GMPS: variants seen among roughly 807,000 people sequenced by gnomAD.
GMPS encodes the protein GMP synthase [glutamine-hydrolyzing].
A neutral mutation model predicts 77.9 loss-of-function variants in GMPS; 15 were observed. The ratio of observed to expected loss-of-function variants is 0.19; its 90% CI spans 0.13 to 0.30. The LOEUF (loss-of-function observed/expected upper bound fraction) is 0.30, where lower values mean the gene tolerates loss of function less well. Among genes scored for constraint, GMPS ranks in the 10% least tolerant of loss-of-function variants. The probability of loss-of-function intolerance (pLI) is 1.00; values close to 1 mark genes in which losing one functional copy is unlikely to be tolerated. For synonymous variants in GMPS, 224 were observed against 275.9 expected (o/e 0.81, Z 1.86); for missense variants, 590 against 838.8 (o/e 0.70, Z 3.66).
chr3:155,910,151 C>A (rs1319053633), intron 5 of GMPS, among the ~76,000 whole-genome samples: 4 of 151,954 alleles, frequency 2.6e-5, no homozygotes, highest in African/African-American at 9.7e-5. Context: ...GAGGCTGAGG[C>A]AGAAGAATAG....
At chr3:155,881,173 T>G (rs986190747) in intron 1 of GMPS, among the ~76,000 whole-genome samples, 1 of 144,496 alleles carries the variant, frequency 6.9e-6, no homozygotes, top group East Asian at 2.0e-4. Context: ...AGTTTTTTTT[T>G]TTTTTTTTTT....
At position 155,914,559 on chromosome 3, in the gene GMPS, A is replaced by G; in HGVS notation, c.1027A>G (p.Thr343Ala). Residue 343 changes from threonine (T) to alanine (A), a missense_variant, in exon 8 of 16, where the codon ACT (threonine) becomes GCT (alanine). Coordinates refer to ENST00000496455, the MANE Select transcript of GMPS (RefSeq NM_003875.3). ...PEEKRKIIGD[T>A]FVKIANEVIG... ...AGAGAAAAGAAAAATCATTGGGGAT[A>G]CTTTTGTTAAGGTACCTTTGTTTTT... The G allele has an allele frequency of 6.3e-7, 1 of 1,575,084 alleles. No homozygotes were observed. The highest frequency in any genetic ancestry group is 8.6e-7 in the Non-Finnish European group (1 of 1,164,840).
At chr3:155,937,170 G>A (rs1027058303) in intron 15 of GMPS, among the ~76,000 whole-genome samples, 2 of 152,206 alleles carry the variant, frequency 1.3e-5, no homozygotes, top group African/African-American at 2.4e-5. Context: ...TTATTACAGT[G>A]TACTCTGTGC....
chr3:155,927,893 A>T (rs974105403), intron 12 of GMPS, among the ~76,000 whole-genome samples: 3 of 151,854 alleles, frequency 2.0e-5, no homozygotes, highest in Non-Finnish European at 4.4e-5. Context: ...TATGCATACC[A>T]TCATTTATTT....
intron 15 of GMPS, 21 bp from the exon 16 acceptor site, chr3:155,937,570 C>G: frequency 9.6e-7 from 1 of 1,037,802 alleles, no homozygotes; most frequent in South Asian, 1.3e-5. Context: ...GCTGACTTTT[C>G]TCTATAATTT....
chr3:155,941,402 C>CAAAA lies in GMPS; in HGVS notation c.*3723_*3726dup, dbSNP rs375351109. On this transcript the variant is annotated 3_prime_UTR_variant, in exon 16 of 16. Transcript: ENST00000496455. ...CTGGTGAAAGAGCGAGACTCAGTCT[C>CAAAA]AAAAAAAAAAAAAAAAGGAAGTTCT... The CAAAA allele has an allele frequency of 8.1e-4, 128 of 157,498 alleles. No individual in the cohort carries two copies. The highest frequency in any genetic ancestry group is 2.5e-3 in the Middle Eastern group (1 of 396). The allele number at this position is 157,498 out of a possible 1,614,324, so 9.8% of individuals were successfully genotyped here.
At chr3:155,876,799 GTAT>G (rs1228264447) in intron 1 of GMPS, among the ~76,000 whole-genome samples, 1 of 152,130 alleles carries the variant, frequency 6.6e-6, no homozygotes, top group Non-Finnish European at 1.5e-5. Context: ...TATAATAAGA[GTAT>G]TATTCTAAAA....
At chr3:155,901,277 G>A (rs1159626014) in intron 3 of GMPS, among the ~76,000 whole-genome samples, 1 of 151,950 alleles carries the variant, frequency 6.6e-6, no homozygotes, top group Non-Finnish European at 1.5e-5. Flanking sequence ...TATAAGTGAA[G>A]TCATACTACC....
At chr3:155,892,370 A>G (rs190033876) in intron 1 of GMPS, among the ~76,000 whole-genome samples, 5 of 152,290 alleles carry the variant, frequency 3.3e-5, no homozygotes, top group Admixed American at 2.0e-4. Context: ...CAAACAAACA[A>G]AAAAGCAAAC....
chr3:155,930,858 G>A (rs1169176855), intron 12 of GMPS, among the ~76,000 whole-genome samples: 1 of 152,036 alleles, frequency 6.6e-6, no homozygotes, highest in Non-Finnish European at 1.5e-5. Context: ...GTCTTACTCT[G>A]TTGCCCAGGC....
chr3:155,908,880 A>G (rs1264973911), intron 5 of GMPS, among the ~76,000 whole-genome samples: 1 of 152,224 alleles, frequency 6.6e-6, no homozygotes, highest in African/African-American at 2.4e-5. Context: ...GGGGTTTACC[A>G]GCATACAGAC....
At chr3:155,930,091 A>G (rs1207070376) in intron 12 of GMPS, among the ~76,000 whole-genome samples, 27 of 144,226 alleles carry the variant, frequency 1.9e-4, no homozygotes, top group African/African-American at 6.7e-4. Flanking sequence ...GAGGCATCAC[A>G]CTACCTGACT....
chr3:155,903,448 T>C (rs1295128977), intron 3 of GMPS, among the ~76,000 whole-genome samples: 1 of 152,230 alleles, frequency 6.6e-6, no homozygotes, highest in Non-Finnish European at 1.5e-5. Flanking sequence ...AAAAATGTAT[T>C]GTCTAATTCT....
At position 155,910,872 on chromosome 3, in the gene GMPS, C is replaced by A. The variant is rs571738939; in HGVS notation, c.707C>A (p.Thr236Lys). 1.0e-5 allele frequency: 16 copies of A among 1,573,148 alleles called. No individual in the cohort carries two copies. The highest frequency in any genetic ancestry group is 1.3e-5 in the Non-Finnish European group (15 of 1,164,404). The change falls in exon 6 of 16, where the codon ACG becomes AAG. Residue 236 changes from threonine to lysine, a missense_variant. By Grantham distance (78) the Thr-to-Lys change is moderately conservative. Around this residue, in one of 6 missense-constraint regions of GMPS, gnomAD observed 181 missense variants for 186.8 expected, o/e 0.97. Transcript: ENST00000496455. ...CGAGAGATCAAAGAGAGAGTAGGCA[C>A]GTCAAAAGTTTTGGTAAGCAAATTA... ...CIREIKERVGTSKVLVLLSGG... is the reference protein window; with the variant it reads ...CIREIKERVGKSKVLVLLSGG...
At position 155,936,523 on chromosome 3, in the gene GMPS, T is replaced by C; in HGVS notation, c.1980+13T>C. 1 of 1,530,912 alleles carries C rather than the reference T, an allele frequency of 6.5e-7. No individual in the cohort carries two copies. 94.8% of individuals were successfully genotyped at this position (1,530,912 alleles called of 1,614,324 possible). On this transcript the variant is annotated intron_variant, in intron 15 of 15. Transcript: ENST00000496455. ...GATCCCTGTAGAGGTAATTTATATATTTTTTTCTAATGCACGTTCTCAGTA... is the reference window on the plus strand; with the variant it reads ...GATCCCTGTAGAGGTAATTTATATACTTTTTTCTAATGCACGTTCTCAGTA...
chr3:155,941,603 C>A lies in GMPS; in HGVS notation c.*3911C>A. ...CTCCAGAAATCTCATTGATATGTGG[C>A]GAGGACACGCCTTAGCTATCACCCC... On this transcript the variant is annotated 3_prime_UTR_variant, in exon 16 of 16. Coordinates refer to ENST00000496455, the MANE Select transcript of GMPS (RefSeq NM_003875.3). 1 of 221,130 alleles carries A rather than the reference C, an allele frequency of 4.5e-6. No homozygotes were observed. The allele number at this position is 221,130 out of a possible 1,614,324, so 13.7% of individuals were successfully genotyped here. A position where few individuals can be genotyped will look rare whatever the true frequency, so the allele number is the denominator to read the frequency against.
Position 155,914,403 on chromosome 3 carries a change from C to T in GMPS, c.887-16C>T. 1 of 1,511,570 alleles carries T rather than the reference C, an allele frequency of 6.6e-7. No homozygotes were observed. Among genetic ancestry groups the T allele is most frequent in the East Asian group, 2.4e-5 (1 of 41,032 alleles). 93.6% of individuals were successfully genotyped at this position (1,511,570 alleles called of 1,614,324 possible). ...CATGTTATACCAATTTAAAACGCTT[C>T]TCCCCTTTCCTCCAGTGATAAATGC... On this transcript the variant is annotated splice_polypyrimidine_tract_variant and intron_variant, in intron 7 of 15. Transcript: ENST00000496455.
At position 155,921,444 on chromosome 3, in the gene GMPS, T is replaced by C. The variant is rs963664001; in HGVS notation, c.1319-743T>C. 5.3e-5 allele frequency among the ~76,000 whole-genome samples: 8 copies of C among 152,190 alleles called. No homozygotes were observed. In the East Asian group the frequency reaches 1.5e-3, roughly 29 times the overall value. On this transcript the variant is annotated intron_variant, in intron 10 of 15. Transcript: ENST00000496455. ...TTGGAAAATTCCCTTATTAAAAACT[T>C]TGGATGAGCACATATGTTATAAACT...
At chr3:155,871,260 G>C (rs1361675557) in intron 1 of GMPS, among the ~76,000 whole-genome samples, 2 of 152,006 alleles carry the variant, frequency 1.3e-5, no homozygotes, top group Non-Finnish European at 2.9e-5. Flanking sequence ...TGCGTGTCGG[G>C]GTGGGGGCTT....
Sources: allele counts gnomAD v4.1 joint callset (sites outside exome capture counted in the v4.1 genomes callset), GRCh38; gene constraint gnomAD v4.1.1; regional missense constraint gnomAD v4.1.1; transcripts MANE v1.5; gene names NCBI Gene and HGNC (gene_info 2026-07-23, HGNC 2026-07-21).